The following ITGA9 variants were observed in gnomAD, a reference collection of about 807,000 sequenced individuals.
The protein encoded by ITGA9 is integrin alpha-9.
Under a neutral mutation model 127.8 loss-of-function variants are expected in ITGA9, and 56 were observed. That is an observed-to-expected ratio of 0.44 (90% CI 0.35 to 0.55). The LOEUF (loss-of-function observed/expected upper bound fraction) is 0.55, where lower values mean the gene tolerates loss of function less well. ITGA9 is among the 20% of genes least tolerant of loss of function. The pLI is 0.00. For synonymous variants in ITGA9, 508 were observed against 514.5 expected (o/e 0.99, Z 0.17); for missense variants, 1,196 against 1,347.1 (o/e 0.89, Z 1.76).
At chr3:37,788,094 A>G (rs996291007) in intron 26 of ITGA9, among the ~76,000 whole-genome samples, 1 of 152,136 alleles carries the variant, frequency 6.6e-6, no homozygotes, top group Non-Finnish European at 1.5e-5. Context: ...ATGCAAACAA[A>G]TTTTCCACTT....
intron 23 of ITGA9, among the ~76,000 whole-genome samples, chr3:37,751,511 T>C (rs1052579381): frequency 1.7e-4 from 26 of 152,146 alleles, no homozygotes; most frequent in Admixed American, 1.6e-3. Flanking sequence ...CCTTTTTTTT[T>C]CCTATGGGCA....
chr3:37,760,198 G>C (rs1696706634), intron 23 of ITGA9, among the ~76,000 whole-genome samples: 1 of 151,222 alleles, frequency 6.6e-6, no homozygotes. Context: ...AGGAGGCGGA[G>C]GTTGCGGTGA....
chr3:37,492,459 G>T (rs544932653), intron 4 of ITGA9, among the ~76,000 whole-genome samples: 10 of 152,356 alleles, frequency 6.6e-5, no homozygotes, highest in Admixed American at 3.3e-4. Flanking sequence ...GGCCAGAAGT[G>T]GGGTATTCTT....
intron 17 of ITGA9, among the ~76,000 whole-genome samples, chr3:37,657,395 G>A (rs1049483327): frequency 3.3e-5 from 5 of 151,980 alleles, no homozygotes; most frequent in African/African-American, 7.2e-5. Context: ...TCAGGGATTC[G>A]ACTTCTTCCT....
intron 20 of ITGA9, among the ~76,000 whole-genome samples, chr3:37,737,750 T>G (rs933220630): frequency 6.6e-6 from 1 of 152,182 alleles, no homozygotes; most frequent in Non-Finnish European, 1.5e-5. Context: ...CAAGGCAACC[T>G]TTTCATTTTC....
intron 15 of ITGA9, among the ~76,000 whole-genome samples, chr3:37,562,396 T>G (rs1699502213): frequency 6.6e-6 from 1 of 152,234 alleles, no homozygotes; most frequent in South Asian, 2.1e-4. Context: ...TATTGAATTA[T>G]CCGTATTCTT....
In ITGA9 at chr3:37,819,136, C is replaced by T. The variant is rs1460190560; in HGVS notation, c.*147C>T. ...TCTTCATTCTATCAAGCCCAGGTGC[C>T]AGCCTGAGGCAGCCACTTCGGCCAG... On this transcript the variant is annotated 3_prime_UTR_variant, in exon 28 of 28. Transcript: ENST00000264741. 2.9e-6 allele frequency: 2 copies of T among 694,756 alleles called. No homozygotes were observed. Among genetic ancestry groups the T allele is most frequent in the Non-Finnish European group, 5.2e-6 (2 of 383,432 alleles). 43.0% of individuals were successfully genotyped at this position (694,756 alleles called of 1,614,324 possible).
In ITGA9 at chr3:37,587,607, A is replaced by G. The variant is rs564237529; in HGVS notation, c.1690-41580A>G. Among the ~76,000 whole-genome samples, 46 of 152,212 alleles carry G rather than the reference A, an allele frequency of 3.0e-4. 1 individual carries two copies. The South Asian group carries it at 9.0e-3, about 30-fold the overall frequency. On this transcript the variant is annotated intron_variant, in intron 15 of 27. Coordinates refer to ENST00000264741, the MANE Select transcript of ITGA9 (RefSeq NM_002207.3). ...TCCATCCATTCACCCATCCATTTCA[A>G]CATTCACCAGTTCCTACAAGGTACT... is the stretch of plus-strand genomic sequence containing the variant.
chr3:37,744,826 A>G (rs190639603), intron 22 of ITGA9, among the ~76,000 whole-genome samples: 17 of 152,346 alleles, frequency 1.1e-4, no homozygotes, highest in Non-Finnish European at 2.9e-5. Context: ...ATTTCGTATA[A>G]TTTTCACATC....
At chr3:37,489,195 A>G (rs11709684) in intron 4 of ITGA9, among the ~76,000 whole-genome samples, 19,193 of 152,270 alleles carry the variant, frequency 0.13, 1,271 homozygotes, top group Middle Eastern at 0.18. Flanking sequence ...ATAATATTCC[A>G]TTGTATGTGT....
intron 22 of ITGA9, among the ~76,000 whole-genome samples, chr3:37,745,254 C>T (rs954668346): frequency 5.9e-5 from 9 of 152,156 alleles, no homozygotes; most frequent in African/African-American, 1.9e-4. Flanking sequence ...CAACAGACTG[C>T]GAAACCATGA....
chr3:37,590,945 G>A (rs1559543897), intron 15 of ITGA9, among the ~76,000 whole-genome samples: 3 of 152,152 alleles, frequency 2.0e-5, no homozygotes, highest in African/African-American at 7.2e-5. Context: ...GCAGCCCTGG[G>A]GGTTATCAGG....
chr3:37,680,047 T>G (rs935584366), intron 17 of ITGA9, among the ~76,000 whole-genome samples: 1 of 152,138 alleles, frequency 6.6e-6, no homozygotes, highest in Non-Finnish European at 1.5e-5. Flanking sequence ...GACATGATAG[T>G]CAGGGGGCTG....
At chr3:37,739,651 C>T (rs1696408607) in intron 20 of ITGA9, among the ~76,000 whole-genome samples, 3 of 152,234 alleles carry the variant, frequency 2.0e-5, no homozygotes, top group Admixed American at 2.0e-4. Context: ...TGGAAAGTAT[C>T]CCAGCTCATT....
intron 15 of ITGA9, among the ~76,000 whole-genome samples, chr3:37,608,223 T>C (rs774168523): frequency 7.2e-5 from 11 of 152,352 alleles, no homozygotes; most frequent in African/African-American, 2.4e-4. Flanking sequence ...TAGTGACTTA[T>C]AAAAACCTCA....
At position 37,799,169 on chromosome 3, in the gene ITGA9, A is replaced by G. The variant is rs1444231323; in HGVS notation, c.2890-4654A>G. On this transcript the variant is annotated intron_variant, in intron 26 of 27. Transcript: ENST00000264741. This position sits in a 1 kb window ranked among gnomAD's most constrained non-coding sequence, Gnocchi z 4.0. ...TGGATCAAAGGGTATGAACATTTTT[A>G]TTTTATTTTTTAATTTTTTATTTTT... Among the ~76,000 whole-genome samples the G allele has an allele frequency of 1.3e-5, 2 of 151,938 alleles. No homozygotes were observed. The highest frequency in any genetic ancestry group is 4.8e-5 in the African/African-American group (2 of 41,346).
intron 14 of ITGA9, among the ~76,000 whole-genome samples, chr3:37,537,165 G>C (rs1699215956): frequency 6.6e-6 from 1 of 152,202 alleles, no homozygotes; most frequent in Admixed American, 6.5e-5. Flanking sequence ...CTCTGAGGAG[G>C]GGGCTGGTGC....
intron 15 of ITGA9, among the ~76,000 whole-genome samples, chr3:37,557,859 C>T (rs1427461359): frequency 6.6e-6 from 1 of 152,174 alleles, no homozygotes; most frequent in East Asian, 1.9e-4. Flanking sequence ...AGATTTAGAG[C>T]ATTTAATTTA....
Position 37,523,565 on chromosome 3 carries a change from T to A in ITGA9, c.1281T>A (p.Gly427=), listed in dbSNP as rs1463655278. ...TAAATCCAGTGCTCCGGATGTTTGG[T>A]CAGTCCATATCGGGAGGCATTGATA... is the stretch of plus-strand genomic sequence containing the variant. ...QKINPVLRMF[G]QSISGGIDMD... is the part of the protein sequence containing the mutation. The change falls in exon 12 of 28, where the codon GGT becomes GGA. Residue 427 remains glycine (G), a synonymous_variant. Coordinates refer to ENST00000264741, the MANE Select transcript of ITGA9 (RefSeq NM_002207.3). 3 of 1,614,016 alleles carry A rather than the reference T, an allele frequency of 1.9e-6. No individual in the cohort carries two copies. The highest frequency in any genetic ancestry group is 2.5e-6 in the Non-Finnish European group (3 of 1,180,002).
Sources: allele counts gnomAD v4.1 joint callset (sites outside exome capture counted in the v4.1 genomes callset), GRCh38; gene constraint gnomAD v4.1.1; non-coding constraint Gnocchi (gnomAD v3.1); transcripts MANE v1.5; gene names NCBI Gene and HGNC (gene_info 2026-07-23, HGNC 2026-07-21).